The following CDK18 variants were observed in gnomAD, a reference collection of about 807,000 sequenced individuals.
The protein encoded by CDK18 is cyclin-dependent kinase 18.
In CDK18, 52 loss-of-function variants were observed where a neutral mutation model predicts 62.0. The observed-to-expected ratio is 0.84, with a 90% confidence interval of 0.67 to 1.06. The LOEUF (loss-of-function observed/expected upper bound fraction) is 1.06, where lower values mean the gene tolerates loss of function less well. Among genes scored for constraint, CDK18 ranks in the 50% least tolerant of loss-of-function variants. The probability of loss-of-function intolerance (pLI) is 0.00; values close to 1 mark genes in which losing one functional copy is unlikely to be tolerated. For missense variants in CDK18, 604 were observed against 619.9 expected (o/e 0.97, Z 0.27); for synonymous variants, 237 against 247.0 (o/e 0.96, Z 0.38).
At position 205,529,569 on chromosome 1, in the gene CDK18, T is replaced by C. The variant is rs1418000699; in HGVS notation, c.1221+6T>C. 2 of 1,613,534 alleles carry C rather than the reference T, an allele frequency of 1.2e-6. No individual in the cohort carries two copies. The highest frequency in any genetic ancestry group is 2.7e-5 in the African/African-American group (2 of 74,944). On this transcript the variant is annotated splice_donor_region_variant and intron_variant, in intron 13 of 15. Transcript: ENST00000429964. Reference sequence around the variant, plus strand: ...TCCTGAGCAGCCTGCTCCTGGTGAGTGTCCTCCCGGCGGGGCCCAGGGAGA... The same window carrying C: ...TCCTGAGCAGCCTGCTCCTGGTGAGCGTCCTCCCGGCGGGGCCCAGGGAGA...
At chr1:205,511,641 T>TA (rs1667569715) in intron 1 of CDK18, among the ~76,000 whole-genome samples, 1 of 152,244 alleles carries the variant, frequency 6.6e-6, no homozygotes, top group South Asian at 2.1e-4. Context: ...TGTTTTGACT[T>TA]ACCACCTTCT....
intron 6 of CDK18, 42 bp downstream of exon 6, chr1:205,526,221 G>A (rs1332089464): frequency 6.4e-7 from 1 of 1,572,006 alleles, no homozygotes; most frequent in South Asian, 1.1e-5. Flanking sequence ...GGGGCTTCAG[G>A]AGGAGGGGTT....
chr1:205,505,288 C>A (rs1667251286), intron 1 of CDK18, among the ~76,000 whole-genome samples: 2 of 152,156 alleles, frequency 1.3e-5, no homozygotes, highest in Non-Finnish European at 2.9e-5. Context: ...CCTTGAAGGG[C>A]TTCCTGGGCT....
At chr1:205,512,187 C>A (rs74567094) in intron 1 of CDK18, among the ~76,000 whole-genome samples, 4,628 of 152,204 alleles carry the variant, frequency 0.03, 221 homozygotes, top group African/African-American at 0.11. Flanking sequence ...CATCAGCACG[C>A]GGGTGGTGGT....
At chr1:205,511,176 C>G (rs762619253) in intron 1 of CDK18, among the ~76,000 whole-genome samples, 1 of 152,120 alleles carries the variant, frequency 6.6e-6, no homozygotes. Flanking sequence ...TTTAAGCAGT[C>G]GGTAAAAAGT....
chr1:205,505,660 C>T (rs1218250150), intron 1 of CDK18, among the ~76,000 whole-genome samples: 1 of 152,152 alleles, frequency 6.6e-6, no homozygotes, highest in Non-Finnish European at 1.5e-5. Context: ...TGTTTTCGCC[C>T]TGTGGGGGGC....
intron 1 of CDK18, among the ~76,000 whole-genome samples, chr1:205,507,940 G>T (rs114486099): frequency 0.013 from 2,013 of 152,324 alleles, 50 homozygotes; most frequent in African/African-American, 0.045. Flanking sequence ...AATCTGTGCT[G>T]TGGGGGCCCT....
In CDK18 at chr1:205,523,259, C is replaced by T. The variant is rs141381275; in HGVS notation, c.92C>T (p.Thr31Met). 1.1e-4 allele frequency: 181 copies of T among 1,614,160 alleles called. 1 individual carries two copies. The African/African-American group carries it at 1.4e-3, about 13-fold the overall frequency. ...ETIEESLAEF[T>M]EQFNQLHNRR... ...ATTGAAGAATCCTTGGCTGAATTCA[C>T]GGAGCAATTCAACCAGCTCCACAAC... Residue 31 changes from threonine (T) to methionine (M), a missense_variant, in exon 2 of 16, where the codon ACG (threonine) becomes ATG (methionine). Coordinates refer to ENST00000429964, the MANE Select transcript of CDK18 (RefSeq NM_212502.3).
intron 1 of CDK18, among the ~76,000 whole-genome samples, chr1:205,512,550 G>A (rs1313516330): frequency 6.6e-6 from 1 of 152,234 alleles, no homozygotes; most frequent in African/African-American, 2.4e-5. Context: ...TGCAGGCCAA[G>A]GAGGCCTCCT....
intron 5 of CDK18, among the ~76,000 whole-genome samples, chr1:205,525,779 C>G (rs1359722747): frequency 6.6e-6 from 1 of 152,200 alleles, no homozygotes; most frequent in Admixed American, 6.5e-5. Flanking sequence ...AAGAGGTGAC[C>G]TCTGTGTAAA....
chr1:205,531,213 C>T (rs1668719544), intron 15 of CDK18, 131 bp from the exon 16 acceptor site: 1 of 763,904 alleles, frequency 1.3e-6, no homozygotes, highest in African/African-American at 1.7e-5. Flanking sequence ...CCAGGTCAGA[C>T]CGGCTCCTGT....
chr1:205,519,014 T>G (rs535867470), intron 1 of CDK18, among the ~76,000 whole-genome samples: 15 of 152,278 alleles, frequency 9.9e-5, no homozygotes, highest in Middle Eastern at 3.4e-3. Context: ...CGGGCCAGTA[T>G]CCCTGGACAC....
rs1667223237 is a variant in CDK18, at chr1:205,504,776, G to A, written c.-42G>A. On this transcript the variant is annotated 5_prime_UTR_variant, in exon 1 of 16. Coordinates refer to ENST00000429964, the MANE Select transcript of CDK18 (RefSeq NM_212502.3). ...GTGCCCGGGAGGGAGCGGGCGCACC[G>A]CGGCCCCCAGGACACGCGCTGTGAG... 1.3e-5 allele frequency: 2 copies of A among 152,302 alleles called. No individual in the cohort carries two copies. The highest frequency in any genetic ancestry group is 4.8e-5 in the African/African-American group (2 of 41,468). The allele number at this position is 152,302 out of a possible 1,614,324, so 9.4% of individuals were successfully genotyped here.
chr1:205,529,480 C>T (rs894170945), intron 12 of CDK18, 41 bp from the exon 13 acceptor site: 1 of 1,609,644 alleles, frequency 6.2e-7, no homozygotes, highest in African/African-American at 1.3e-5. Context: ...CTCTCCCATC[C>T]CCAATCAGGC....
At position 205,527,929 on chromosome 1, in the gene CDK18, G is replaced by T; in HGVS notation, c.853+12G>T. On this transcript the variant is annotated intron_variant, in intron 9 of 15. Transcript: ENST00000429964. This position sits in a 1 kb window ranked among gnomAD's most constrained non-coding sequence, Gnocchi z 4.1. ...GCTGGCCGACTTTGGTGAGGCTGGG[G>T]CTAGGGTGGGGGTCTGACGCTACTG... The T allele has an allele frequency of 6.2e-7, 1 of 1,614,102 alleles. No individual in the cohort carries two copies. Among genetic ancestry groups the T allele is most frequent in the Non-Finnish European group, 8.5e-7 (1 of 1,179,996 alleles).
At chr1:205,531,214 C>A in intron 15 of CDK18, 130 bp from the exon 16 acceptor site, 1 of 766,660 alleles carries the variant, frequency 1.3e-6, no homozygotes, top group East Asian at 2.6e-5. Context: ...CAGGTCAGAC[C>A]GGCTCCTGTT....
Position 205,523,579 on chromosome 1 carries a change from G to A in CDK18, c.227G>A (p.Gly76Asp). The change falls in exon 3 of 16, where the codon GGC (glycine) becomes GAC (aspartate). Residue 76 changes from glycine (G) to aspartate (D), a missense_variant. Transcript: ENST00000429964. Reference protein sequence around the residue: ...SGEEPGQLSPGVQFQRRQNQR... With the variant: ...SGEEPGQLSPDVQFQRRQNQR... ...GAGGAGCCGGGGCAGCTCTCCCCTG[G>A]CGTGCAGTTCCAGCGGCGGCAGAAC... The A allele has an allele frequency of 6.3e-7, 1 of 1,597,314 alleles. No homozygotes were observed. The highest frequency in any genetic ancestry group is 1.7e-5 in the Admixed American group (1 of 57,638).
intron 1 of CDK18, among the ~76,000 whole-genome samples, chr1:205,518,726 C>T (rs866145139): frequency 6.6e-6 from 1 of 152,198 alleles, no homozygotes; most frequent in African/African-American, 2.4e-5. Context: ...TTCTGGGAGG[C>T]CAGCCCTGCT....
chr1:205,523,347 C>G lies in CDK18; in HGVS notation c.130+50C>G, dbSNP rs778305473. 2.5e-6 allele frequency: 4 copies of G among 1,612,090 alleles called. No homozygotes were observed. In the Admixed American group the frequency reaches 6.7e-5, roughly 27 times the overall value. On this transcript the variant is annotated intron_variant, in intron 2 of 15. Coordinates refer to ENST00000429964, the MANE Select transcript of CDK18 (RefSeq NM_212502.3). ...ACCTCTCCCACCTACCAGACACTCC[C>G]CAGTCACCTTCCCCTCCCCGCCCAC... is the stretch of plus-strand genomic sequence containing the variant.
Sources: gnomAD v4.1 joint callset for allele counts (sites outside exome capture counted in the v4.1 genomes callset) on GRCh38, gnomAD v4.1.1 for gene constraint, Gnocchi (gnomAD v3.1) non-coding constraint, MANE v1.5 for transcripts, NCBI Gene and HGNC (gene_info 2026-07-23, HGNC 2026-07-21) for gene names.